Variants in KIF19 observed in about 807,000 individuals in gnomAD.
KIF19 encodes the protein kinesin family member 19.
Under a neutral mutation model 106.6 loss-of-function variants are expected in KIF19, and 98 were observed. That is an observed-to-expected ratio of 0.92 (90% CI 0.78 to 1.09). The LOEUF is 1.09. KIF19 is among the 50% of genes least tolerant of loss of function. The probability of loss-of-function intolerance (pLI) is 0.00; values close to 1 mark genes in which losing one functional copy is unlikely to be tolerated. For synonymous variants in KIF19, 516 were observed against 584.2 expected (o/e 0.88, Z 1.68); for missense variants, 1,373 against 1,414.3 (o/e 0.97, Z 0.47).
intron 7 of KIF19, 53 bp downstream of exon 7, chr17:74,345,008 G>A: frequency 3.3e-6 from 5 of 1,501,752 alleles, no homozygotes; most frequent in Non-Finnish European, 4.5e-6. Flanking sequence ...CCAGGCAACA[G>A]CGGAGGGCAG....
Position 74,352,061 on chromosome 17 carries a change from C to A in KIF19, c.1782C>A (p.His594Gln), listed in dbSNP as rs776921376. ...LLRDGALRHRHEAVRRLEQHR... is the reference protein window; with the variant it reads ...LLRDGALRHRQEAVRRLEQHR... ...GCGACGGTGCGCTCCGCCACCGCCA[C>A]GAGGCCGTGCGCCGCCTGGAGCAGC... The change falls in exon 13 of 20, where the codon CAC becomes CAA. Residue 594 changes from histidine to glutamine, a missense_variant. Transcript: ENST00000389916. 3 of 1,589,322 alleles carry A rather than the reference C, an allele frequency of 1.9e-6. No individual in the cohort carries two copies. The highest frequency in any genetic ancestry group is 2.6e-6 in the Non-Finnish European group (3 of 1,172,974).
chr17:74,345,394 A>G lies in KIF19; in HGVS notation c.777+439A>G, dbSNP rs528413153. Among the ~76,000 whole-genome samples, 146 of 152,240 alleles carry G rather than the reference A, an allele frequency of 9.6e-4. 1 individual carries two copies. The highest frequency in any genetic ancestry group is 3.4e-3 in the African/African-American group (141 of 41,546). ...AGCATCCCCTGACTGGGAGGACTTG[A>G]CACATCCTGGGAGAGGACCCAGCCA... On this transcript the variant is annotated intron_variant, in intron 7 of 19. Coordinates refer to ENST00000389916, the MANE Select transcript of KIF19 (RefSeq NM_153209.4).
Position 74,352,088 on chromosome 17 carries a change from C to A in KIF19, c.1809C>A (p.His603Gln). 6.3e-7 allele frequency: 1 copy of A among 1,590,346 alleles called. No individual in the cohort carries two copies. The highest frequency in any genetic ancestry group is 8.6e-7 in the Non-Finnish European group (1 of 1,168,416). ...AGGCCGTGCGCCGCCTGGAGCAGCA[C>A]CGCAGTCTCTGCGACGAGATTATCC... Reference protein sequence around the residue: ...RHEAVRRLEQHRSLCDEIIQG... With the variant: ...RHEAVRRLEQQRSLCDEIIQG... The change falls in exon 13 of 20, where the codon CAC becomes CAA. Residue 603 changes from histidine (H) to glutamine (Q), a missense_variant. His to Gln is a conservative substitution (Grantham distance 24). Coordinates refer to ENST00000389916, the MANE Select transcript of KIF19 (RefSeq NM_153209.4).
At chr17:74,351,160 A>C (rs958923326) in intron 12 of KIF19, 4 of 525,622 alleles carry the variant, frequency 7.6e-6, no homozygotes, top group Non-Finnish European at 1.4e-5. Context: ...CATACCAAGG[A>C]CTCAAAAAAT....
At chr17:74,345,772 C>G (rs185073934) in intron 7 of KIF19, among the ~76,000 whole-genome samples, 1 of 152,176 alleles carries the variant, frequency 6.6e-6, no homozygotes, top group Non-Finnish European at 1.5e-5. Context: ...ACTTACCCCT[C>G]CCTTCCAGTA....
At chr17:74,352,742 T>C in intron 14 of KIF19, 79 bp from the exon 15 acceptor site, 1 of 1,562,772 alleles carries the variant, frequency 6.4e-7, no homozygotes. Context: ...CTTGTCACCC[T>C]GTAAGCCTTT....
Position 74,355,405 on chromosome 17 carries a change from C to T in KIF19, c.*93C>T. On this transcript the variant is annotated 3_prime_UTR_variant, in exon 20 of 20. Transcript: ENST00000389916. ...TGGAGGCTGGGCAGATGGAGATGAC[C>T]AGGAAGTAAGCTCAGGATCTCAGCA... The T allele has an allele frequency of 7.1e-7, 1 of 1,416,392 alleles. No homozygotes were observed. Among genetic ancestry groups the T allele is most frequent in the Admixed American group, 2.6e-5 (1 of 38,490 alleles). The allele number at this position is 1,416,392 out of a possible 1,614,324, so 87.7% of individuals were successfully genotyped here.
rs1208388324 is a variant in KIF19 at position 74,353,306 on chromosome 17, G to A, written c.2220+5G>A. 3.8e-6 allele frequency: 6 copies of A among 1,563,262 alleles called. No individual in the cohort carries two copies. The highest frequency in any genetic ancestry group is 5.2e-6 in the Non-Finnish European group (6 of 1,154,114). ...GGCAGCCTGGTGACGCAGGAGGTGA[G>A]CTCTCAGTACCCGATGGCCCCACGA... On this transcript the variant is annotated splice_donor_5th_base_variant and intron_variant, in intron 16 of 19. Coordinates refer to ENST00000389916, the MANE Select transcript of KIF19 (RefSeq NM_153209.4).
chr17:74,352,004 G>A lies in KIF19; in HGVS notation c.1725G>A (p.Glu575=). ...GCCGCGTGCACGAGCTCGAGGTGGA[G>A]AACACCGAGATGCAGTCGCACGCGC... ...LLCRVHELEV[E]NTEMQSHALL... Residue 575 remains glutamate, a synonymous_variant, in exon 13 of 20, where the codon GAG becomes GAA. Transcript: ENST00000389916. 2 of 1,550,396 alleles carry A rather than the reference G, an allele frequency of 1.3e-6. No individual in the cohort carries two copies. Among genetic ancestry groups the A allele is most frequent in the South Asian group, 1.2e-5 (1 of 84,986 alleles).
At chr17:74,344,422 G>T in intron 6 of KIF19, 74 bp downstream of exon 6, 2 of 1,554,320 alleles carry the variant, frequency 1.3e-6, no homozygotes, top group Non-Finnish European at 1.7e-6. Context: ...GGCGGGGACA[G>T]AAGCCAGGGA....
chr17:74,344,446 C>G, intron 6 of KIF19, 98 bp downstream of exon 6: 1 of 1,515,290 alleles, frequency 6.6e-7, no homozygotes, highest in South Asian at 1.2e-5. Flanking sequence ...GCTCCCCACT[C>G]GGCTGAGGCT....
At chr17:74,343,244 C>T in intron 5 of KIF19, 84 bp downstream of exon 5, 1 of 1,377,250 alleles carries the variant, frequency 7.3e-7, no homozygotes, top group East Asian at 2.3e-5. Context: ...GCGCTCATCA[C>T]TGCTGCCCTC....
intron 14 of KIF19, 122 bp downstream of exon 14, chr17:74,352,462 T>C (rs1281895852): frequency 6.4e-6 from 8 of 1,258,700 alleles, no homozygotes; most frequent in Non-Finnish European, 8.6e-6. Context: ...CCCCAGGGAG[T>C]TGACTCCCTT....
chr17:74,327,837 T>C (rs1244052351), intron 1 of KIF19, among the ~76,000 whole-genome samples: 1 of 152,214 alleles, frequency 6.6e-6, no homozygotes, highest in Non-Finnish European at 1.5e-5. Context: ...TGTTGCCCTT[T>C]GATCAGCACA....
chr17:74,344,441 C>G (rs1177864426), intron 6 of KIF19, 93 bp downstream of exon 6: 1 of 1,525,706 alleles, frequency 6.6e-7, no homozygotes, highest in African/African-American at 1.4e-5. Context: ...GAGCTGCTCC[C>G]CACTCGGCTG....
intron 2 of KIF19, among the ~76,000 whole-genome samples, chr17:74,335,212 C>T (rs75717546): frequency 0.054 from 8,146 of 152,202 alleles, 363 homozygotes; most frequent in East Asian, 0.25. Flanking sequence ...TAGTGGGTAG[C>T]GGCCAGGGAT....
Position 74,352,139 on chromosome 17 carries a change from T to C in KIF19, c.1858+2T>C. ...AGGGCCAGCGGCAGATCATCGACGG[T>C]AGGGCCCACGCCCCCGCGCATCTGA... On this transcript the variant is annotated splice_donor_variant, in intron 13 of 19. Transcript: ENST00000389916. LOFTEE classifies it high-confidence loss of function. The C allele has an allele frequency of 6.3e-7, 1 of 1,583,102 alleles. No homozygotes were observed. Among genetic ancestry groups the C allele is most frequent in the Non-Finnish European group, 8.6e-7 (1 of 1,161,856 alleles).
rs899213970 is a variant in KIF19 at position 74,352,882 on chromosome 17, A to G, written c.2042A>G (p.Glu681Gly). 2 of 1,613,948 alleles carry G rather than the reference A, an allele frequency of 1.2e-6. No homozygotes were observed. The highest frequency in any genetic ancestry group is 1.7e-6 in the Non-Finnish European group (2 of 1,179,866). ...TCACTGACCCCAGATTCTGACCTGG[A>G]GAGTGTGAAGACATTGAGCTCTGAT... is the stretch of plus-strand genomic sequence containing the variant. ...GTSLTPDSDL[E>G]SVKTLSSDAQ... The change falls in exon 15 of 20, where the codon GAG (glutamate) becomes GGG (glycine). Residue 681 changes from glutamate (E) to glycine (G), a missense_variant. Coordinates refer to ENST00000389916, the MANE Select transcript of KIF19 (RefSeq NM_153209.4).
At chr17:74,341,532 T>C (rs1373219529) in intron 2 of KIF19, among the ~76,000 whole-genome samples, 1 of 152,170 alleles carries the variant, frequency 6.6e-6, no homozygotes, top group African/African-American at 2.4e-5. Flanking sequence ...GGGGCTGTAC[T>C]GGCCTTGCAG....
Sources: allele counts gnomAD v4.1 joint callset (sites outside exome capture counted in the v4.1 genomes callset), GRCh38; gene constraint gnomAD v4.1.1; transcripts MANE v1.5; gene names NCBI Gene and HGNC (gene_info 2026-07-23, HGNC 2026-07-21).